PCDH9: variants seen among roughly 807,000 people sequenced by gnomAD.
The protein encoded by PCDH9 is protocadherin-9.
PCDH9 carries 24 observed loss-of-function variants against 70.6 expected under a neutral mutation model. The ratio of observed to expected loss-of-function variants is 0.34; its 90% CI spans 0.25 to 0.48. The LOEUF (loss-of-function observed/expected upper bound fraction) is 0.48. Ranked by LOEUF, PCDH9 falls within the 20% of genes least tolerant of loss-of-function variation. PCDH9 has a pLI of 0.99. For synonymous variants in PCDH9, 562 were observed against 558.5 expected, an observed-to-expected ratio of 1.01 and a Z score of -0.09; for missense variants, 1,281 against 1,503.6, an observed-to-expected ratio of 0.85 and a Z score of 2.45.
Position 66,623,382 on chromosome 13 carries a change from A to T in PCDH9, c.3340+7828T>A, listed in dbSNP as rs189960769. ...TCTGAATAGCAAAAGCTGTGGAGTCAGACACTCCTGAGTTCATATTTTGGG... is the reference window on the plus strand; with the variant it reads ...TCTGAATAGCAAAAGCTGTGGAGTCTGACACTCCTGAGTTCATATTTTGGG... On this transcript the variant is annotated intron_variant, in intron 4 of 4. Transcript: ENST00000377865. Among the ~76,000 whole-genome samples the T allele has an allele frequency of 4.6e-5, 7 of 152,302 alleles. No homozygotes were observed. The East Asian group carries it at 1.2e-3, about 25-fold the overall frequency.
intron 3 of PCDH9, among the ~76,000 whole-genome samples, chr13:66,643,216 C>G (rs1230497449): frequency 1.3e-5 from 2 of 152,088 alleles, no homozygotes; most frequent in East Asian, 3.9e-4. Flanking sequence ...TTAAGCCTCT[C>G]TTGCTTTAAA....
chr13:66,930,101 T>C (rs1011187476), intron 2 of PCDH9, among the ~76,000 whole-genome samples: 3 of 152,168 alleles, frequency 2.0e-5, no homozygotes, highest in East Asian at 3.9e-4. Context: ...TATGATAGGA[T>C]CTAGCCCTGC....
intron 3 of PCDH9, among the ~76,000 whole-genome samples, chr13:66,870,084 T>C (rs943927856): frequency 3.3e-5 from 5 of 152,180 alleles, no homozygotes; most frequent in African/African-American, 9.7e-5. Flanking sequence ...TAATCCATCT[T>C]GAATTAACTT....
intron 3 of PCDH9, among the ~76,000 whole-genome samples, chr13:66,892,798 G>A (rs1179103565): frequency 6.6e-6 from 1 of 152,044 alleles, no homozygotes; most frequent in African/African-American, 2.4e-5. Context: ...ATACAAGGTA[G>A]AAGCAGGGAC....
intron 2 of PCDH9, among the ~76,000 whole-genome samples, chr13:66,990,020 A>G (rs1306908033): frequency 6.6e-6 from 1 of 151,940 alleles, no homozygotes; most frequent in Non-Finnish European, 1.5e-5. Context: ...TAAATGTATC[A>G]TTAACTCTTT....
At chr13:66,525,866 T>C (rs536228469) in intron 4 of PCDH9, among the ~76,000 whole-genome samples, 2 of 152,190 alleles carry the variant, frequency 1.3e-5, no homozygotes, top group Non-Finnish European at 2.9e-5. Context: ...ACATACGTTC[T>C]TCACTTTATT....
At chr13:67,209,334 T>A (rs1027627481) in intron 2 of PCDH9, 3 of 152,154 alleles carry the variant, frequency 2.0e-5, no homozygotes, top group Admixed American at 1.3e-4. Context: ...GTTTAGAACA[T>A]TTTAAGGAAG....
chr13:66,304,904 T>A lies in PCDH9; in HGVS notation c.3465A>T (p.Lys1155Asn). 6.2e-7 allele frequency: 1 copy of A among 1,613,330 alleles called. No homozygotes were observed. The highest frequency in any genetic ancestry group is 1.3e-5 in the African/African-American group (1 of 74,892). The change falls in exon 5 of 5, where the codon AAA (lysine) becomes AAT (asparagine). Residue 1155 changes from lysine to asparagine, a missense_variant. By Grantham distance (94) the Lys-to-Asn change is moderately conservative. Coordinates refer to ENST00000377865, the MANE Select transcript of PCDH9 (RefSeq NM_203487.3). ...PPGLGPYQHP[K>N]SPLSTFAPQK... Reference sequence around the variant, plus strand: ...GGGGTGCAAAGGTTGAGAGAGGAGATTTGGGGTGTTGATATGGACCCAAGC... The same window carrying A: ...GGGGTGCAAAGGTTGAGAGAGGAGAATTGGGGTGTTGATATGGACCCAAGC...
intron 2 of PCDH9, among the ~76,000 whole-genome samples, chr13:67,032,408 C>T (rs1371249620): frequency 6.6e-6 from 1 of 152,008 alleles, no homozygotes; most frequent in African/African-American, 2.4e-5. Context: ...AAGCCATTTG[C>T]CATCCTAGGC....
At chr13:66,854,245 TTTTC>T (rs1218486744) in intron 3 of PCDH9, among the ~76,000 whole-genome samples, 1 of 152,172 alleles carries the variant, frequency 6.6e-6, no homozygotes, top group Non-Finnish European at 1.5e-5. Context: ...AAGCCTTTAC[TTTTC>T]TTTGTCTGTA....
chr13:67,019,866 T>C (rs1347352660), intron 2 of PCDH9, among the ~76,000 whole-genome samples: 1 of 152,220 alleles, frequency 6.6e-6, no homozygotes, highest in Non-Finnish European at 1.5e-5. Context: ...CAAACTCTTT[T>C]GGCTGTATTG....
chr13:67,228,338 G>T lies in PCDH9; in HGVS notation c.103C>A (p.Pro35Thr). 1 of 1,614,152 alleles carries T rather than the reference G, an allele frequency of 6.2e-7. No homozygotes were observed. Residue 35 changes from proline to threonine, a missense_variant, in exon 2 of 5, where the codon CCT (proline) becomes ACT (threonine). Transcript: ENST00000377865. ...ATGTTTCCTATGGGCACATTTTCAG[G>T]CAATTCCTCTCTAATAGTGTAAATA... ...ELIYTIREELPENVPIGNIPK... is the reference protein window; with the variant it reads ...ELIYTIREELTENVPIGNIPK...
Position 66,614,916 on chromosome 13 carries a change from T to C in PCDH9, c.3340+16294A>G, listed in dbSNP as rs562898945. Among the ~76,000 whole-genome samples the C allele has an allele frequency of 9.2e-5, 14 of 152,306 alleles. 1 individual carries two copies. The South Asian group carries it at 2.1e-3, about 23-fold the overall frequency. The stretch of plus-strand genomic sequence containing the variant: ...ACCTCACATTTTGTATTTGTCCCGA[T>C]TGGCTAGCAACTTAGAACTTTTTAA... On this transcript the variant is annotated intron_variant, in intron 4 of 4. Coordinates refer to ENST00000377865, the MANE Select transcript of PCDH9 (RefSeq NM_203487.3).
At chr13:66,600,086 T>C (rs1445326412) in intron 4 of PCDH9, among the ~76,000 whole-genome samples, 3 of 151,856 alleles carry the variant, frequency 2.0e-5, no homozygotes, top group South Asian at 2.1e-4. Context: ...TTTGAATTAA[T>C]AAAAGCACAA....
chr13:67,000,505 A>G (rs1055751179), intron 2 of PCDH9, among the ~76,000 whole-genome samples: 5 of 145,588 alleles, frequency 3.4e-5, no homozygotes, highest in African/African-American at 9.9e-5. Flanking sequence ...AATAAAAAAA[A>G]GACTTTATAG....
intron 3 of PCDH9, among the ~76,000 whole-genome samples, chr13:66,739,841 C>T (rs2079226312): frequency 7.9e-6 from 1 of 126,338 alleles, no homozygotes; most frequent in Non-Finnish European, 1.7e-5. Context: ...ATTCATAAAG[C>T]AAGTCCTGAG....
intron 4 of PCDH9, among the ~76,000 whole-genome samples, chr13:66,494,984 T>G (rs1959090357): frequency 6.6e-6 from 1 of 151,610 alleles, no homozygotes; most frequent in African/African-American, 2.4e-5. Context: ...GTGGGTTATA[T>G]AAGACAGAGG....
At chr13:66,808,107 A>C (rs2080439804) in intron 3 of PCDH9, among the ~76,000 whole-genome samples, 1 of 152,164 alleles carries the variant, frequency 6.6e-6, no homozygotes, top group Non-Finnish European at 1.5e-5. Flanking sequence ...ACCATACCTG[A>C]AGGAAAACCT....
chr13:66,521,489 C>T (rs1959982070), intron 4 of PCDH9, among the ~76,000 whole-genome samples: 1 of 152,074 alleles, frequency 6.6e-6, no homozygotes, highest in Admixed American at 6.6e-5. Context: ...AGGTAGCTAA[C>T]ATAGAATTTC....
Sources: gnomAD v4.1 joint callset for allele counts (sites outside exome capture counted in the v4.1 genomes callset) on GRCh38, gnomAD v4.1.1 for gene constraint, MANE v1.5 for transcripts, NCBI Gene and HGNC (gene_info 2026-07-23, HGNC 2026-07-21) for gene names.